The following AKAP8 variants were observed in gnomAD, a reference collection of about 807,000 sequenced individuals.
AKAP8 encodes the protein A-kinase anchor protein 8.
A neutral mutation model predicts 67.5 loss-of-function variants in AKAP8; 24 were observed. That is an observed-to-expected ratio of 0.36 (90% CI 0.26 to 0.50). The LOEUF is 0.50. AKAP8 is among the 20% of genes least tolerant of loss of function. AKAP8 has a pLI of 0.97. For missense variants in AKAP8, 971 were observed against 955.9 expected (o/e 1.02, Z -0.21); for synonymous variants, 400 against 371.1 (o/e 1.08, Z -0.90).
chr19:15,356,334 G>A (rs1005105119), intron 13 of AKAP8, among the ~76,000 whole-genome samples: 1 of 152,072 alleles, frequency 6.6e-6, no homozygotes, highest in South Asian at 2.1e-4. Context: ...GAACCTGGGA[G>A]GCGGAGCTTG....
rs557341673 is a variant in AKAP8 at position 15,363,792 on chromosome 19, T to C, written c.1161-1541A>G. 7.9e-5 allele frequency among the ~76,000 whole-genome samples: 12 copies of C among 152,204 alleles called. No individual in the cohort carries two copies. The East Asian group carries it at 2.3e-3, about 29-fold the overall frequency. On this transcript the variant is annotated intron_variant, in intron 9 of 13. Transcript: ENST00000269701. The stretch of plus-strand genomic sequence containing the variant: ...GTAGAAAGAGGTAGACGTGGGAGAC[T>C]TTTCATTTTGTTCTATACTAAGAAA...
intron 13 of AKAP8, 129 bp from the exon 14 acceptor site, chr19:15,355,499 G>T: frequency 1.2e-6 from 1 of 845,048 alleles, no homozygotes; most frequent in Non-Finnish European, 1.8e-6. Flanking sequence ...TGCCACAGGA[G>T]TGAATCCTAC....
chr19:15,371,716 C>T (rs1252933716), intron 7 of AKAP8, among the ~76,000 whole-genome samples: 1 of 151,896 alleles, frequency 6.6e-6, no homozygotes, highest in African/African-American at 2.4e-5. Flanking sequence ...CTCCAACTCT[C>T]GACCTCAAGT....
chr19:15,375,791 C>G (rs971255105), intron 2 of AKAP8, among the ~76,000 whole-genome samples: 1 of 152,078 alleles, frequency 6.6e-6, no homozygotes, highest in Non-Finnish European at 1.5e-5. Context: ...CGCCCGCCAC[C>G]GCGCCCGGCT....
intron 13 of AKAP8, among the ~76,000 whole-genome samples, chr19:15,357,526 T>C (rs920590984): frequency 6.6e-6 from 1 of 150,708 alleles, no homozygotes; most frequent in Admixed American, 6.6e-5. Flanking sequence ...GAGGATCTCT[T>C]GAGCTCAGGA....
intron 7 of AKAP8, among the ~76,000 whole-genome samples, chr19:15,370,662 C>CACCCT: frequency 8.6e-6 from 1 of 116,524 alleles, no homozygotes; most frequent in Admixed American, 1.2e-4. Flanking sequence ...GACGGAGTCT[C>CACCCT]GCCCTGTCTC....
intron 8 of AKAP8, chr19:15,368,630 C>T: frequency 4.1e-6 from 4 of 985,274 alleles, no homozygotes; most frequent in Non-Finnish European, 4.8e-6. Context: ...CCCCATTCTG[C>T]TTGTCCAATC....
chr19:15,358,663 T>C (rs1477374342), intron 13 of AKAP8, among the ~76,000 whole-genome samples: 2 of 152,108 alleles, frequency 1.3e-5, no homozygotes, highest in Non-Finnish European at 2.9e-5. Context: ...TGGGTTTTTC[T>C]TAAAAAATCA....
Position 15,362,193 on chromosome 19 carries a change from T to G in AKAP8, c.1219A>C (p.Lys407Gln). ...TTGTGAAATTTGCTTTGCAGATGCT[T>G]CTGGATCTCTTCGTCATCAAAGCTA... ...FRSFDDEEIQ[K>Q]HLQSKFHKET... is the part of the protein sequence containing the mutation. The change falls in exon 10 of 14, where the codon AAG (lysine) becomes CAG (glutamine). Residue 407 changes from lysine to glutamine, a missense_variant. This residue lies in a region of AKAP8 where 763 missense variants were observed against 745.4 expected (regional missense o/e 1.02). Transcript: ENST00000269701. 6.2e-7 allele frequency: 1 copy of G among 1,614,134 alleles called. No homozygotes were observed. The highest frequency in any genetic ancestry group is 1.1e-5 in the South Asian group (1 of 91,076).
chr19:15,378,901 T>C (rs1268853210), intron 1 of AKAP8: 1 of 152,906 alleles, frequency 6.5e-6, no homozygotes, highest in East Asian at 1.9e-4. Context: ...CGTTCCCTCC[T>C]GCACAGCCCC....
At position 15,355,029 on chromosome 19, in the gene AKAP8, T is replaced by G. The variant is rs2048268083; in HGVS notation, c.1965A>C (p.Thr655=). 6.2e-7 allele frequency: 1 copy of G among 1,614,146 alleles called. No individual in the cohort carries two copies. Among genetic ancestry groups the G allele is most frequent in the East Asian group, 2.2e-5 (1 of 44,892 alleles). Residue 655 remains threonine, a synonymous_variant, in exon 14 of 14, where the codon ACA becomes ACC. Transcript: ENST00000269701. ...EAAEAGNGAE[T]MAAEAESAQT... is the part of the protein sequence containing the mutation. Reference sequence around the variant, plus strand: ...GGGCACTTTCTGCCTCTGCTGCCATTGTCTCGGCGCCATTTCCAGCCTCTG... The same window carrying G: ...GGGCACTTTCTGCCTCTGCTGCCATGGTCTCGGCGCCATTTCCAGCCTCTG...
Position 15,361,840 on chromosome 19 carries a change from G to A in AKAP8, c.1303-18C>T, listed in dbSNP as rs375971765. 2 of 1,602,130 alleles carry A rather than the reference G, an allele frequency of 1.2e-6. No homozygotes were observed. Among genetic ancestry groups the A allele is most frequent in the Admixed American group, 1.7e-5 (1 of 59,914 alleles). ...ATGTATTCCTAGGTGGGATTGGAGA[G>A]GGCATAAAGTAAAATGAGAGGTGGG... On this transcript the variant is annotated intron_variant, in intron 10 of 13. Transcript: ENST00000269701.
chr19:15,368,744 C>T (rs768326373), intron 8 of AKAP8: 11 of 985,226 alleles, frequency 1.1e-5, no homozygotes, highest in Middle Eastern at 5.2e-4. Context: ...GCAGCTGCTC[C>T]GCCGCCCTCT....
chr19:15,361,139 C>G (rs1332041916), intron 11 of AKAP8, among the ~76,000 whole-genome samples, 161 bp from the exon 12 acceptor site: 1 of 152,178 alleles, frequency 6.6e-6, no homozygotes, highest in African/African-American at 2.4e-5. Flanking sequence ...GCCTCTATAG[C>G]TGTGAATTCT....
chr19:15,366,223 G>A (rs1434825781), intron 9 of AKAP8, among the ~76,000 whole-genome samples: 1 of 150,024 alleles, frequency 6.7e-6, no homozygotes, highest in Non-Finnish European at 1.5e-5. Flanking sequence ...AGTACTCTGG[G>A]AGGCCAACGC....
Position 15,372,991 on chromosome 19 carries a change from TG to T in AKAP8, c.720del (p.Ser241AlafsTer18). Reference protein sequence around the residue: ...VGGRGLGGPSPSRPPPSLFSQ... With the variant: ...VGGRGLGGPSXSRPPPSLFSQ... ...GAGAAGAGGGACGGAGGTGGCCGGC[TG>T]GGGGAGGGCCCTCCCAGGCCCCGTC... On this transcript the variant is annotated frameshift_variant, in exon 5 of 14. Transcript: ENST00000269701. LOFTEE classifies it high-confidence loss of function. 1 of 1,566,578 alleles carries T rather than the reference TG, an allele frequency of 6.4e-7. No homozygotes were observed. Among genetic ancestry groups the T allele is most frequent in the Non-Finnish European group, 8.7e-7 (1 of 1,155,484 alleles).
rs758017011 is a variant in AKAP8, at chr19:15,361,783, G to A, written c.1342C>T (p.Arg448Cys). Residue 448 changes from arginine (R) to cysteine (C), a missense_variant, in exon 11 of 14, where the codon CGT becomes TGT. Arg to Cys is a radical substitution (Grantham distance 180). Around this residue, in one of 3 missense-constraint regions of AKAP8, gnomAD observed 763 missense variants for 745.4 expected, o/e 1.02. Coordinates refer to ENST00000269701, the MANE Select transcript of AKAP8 (RefSeq NM_005858.4). ...GTTTCTTTCTCCATCAATTCCTGAC[G>A]CCGCTTCTCAATTTTCTTATTTCTG... ...VNRNKKIEKR[R>C]QELMEKETAK... 8 of 1,613,912 alleles carry A rather than the reference G, an allele frequency of 5.0e-6. No individual in the cohort carries two copies. Among genetic ancestry groups the A allele is most frequent in the African/African-American group, 1.3e-5 (1 of 74,912 alleles).
At chr19:15,362,727 G>A (rs1426345050) in intron 9 of AKAP8, among the ~76,000 whole-genome samples, 13 of 151,222 alleles carry the variant, frequency 8.6e-5, no homozygotes, top group African/African-American at 2.9e-4. Flanking sequence ...CCTCCCAGCC[G>A]CCTGCCTTGG....
intron 13 of AKAP8, among the ~76,000 whole-genome samples, chr19:15,357,273 CA>C (rs962164902): frequency 2.0e-5 from 3 of 150,562 alleles, no homozygotes; most frequent in African/African-American, 4.9e-5. Flanking sequence ...CATCCCCCTG[CA>C]AAACATTAGC....
Sources: gnomAD v4.1 joint callset for allele counts (sites outside exome capture counted in the v4.1 genomes callset) on GRCh38, gnomAD v4.1.1 for gene constraint, gnomAD v4.1.1 regional missense constraint, MANE v1.5 for transcripts, NCBI Gene and HGNC (gene_info 2026-07-23, HGNC 2026-07-21) for gene names.